Variants in CENPN observed in about 807,000 individuals in gnomAD.
CENPN encodes the protein interphase centromere complex protein 32.
Under a neutral mutation model 48.6 loss-of-function variants are expected in CENPN, and 36 were observed. That is an observed-to-expected ratio of 0.74 (90% CI 0.57 to 0.98). CENPN has a LOEUF of 0.98. CENPN is among the 50% of genes least tolerant of loss of function. CENPN has a pLI of 0.00. For missense variants in CENPN, 439 were observed against 399.2 expected, an observed-to-expected ratio of 1.10 and a Z score of -0.85; for synonymous variants, 166 against 135.2, an observed-to-expected ratio of 1.23 and a Z score of -1.58.
At chr16:81,011,803 G>A in intron 1 of CENPN, 127 bp from the exon 2 acceptor site, 1 of 738,858 alleles carries the variant, frequency 1.4e-6, no homozygotes, top group Admixed American at 2.9e-5. Context: ...AAGAGTTCAA[G>A]ACCAACGTGG....
At chr16:81,025,973 G>A (rs1970449131) in intron 8 of CENPN, among the ~76,000 whole-genome samples, 1 of 150,840 alleles carries the variant, frequency 6.6e-6, no homozygotes, top group Non-Finnish European at 1.5e-5. Flanking sequence ...GAAGTGCTGG[G>A]ATTACAGGTG....
intron 7 of CENPN, chr16:81,022,904 C>A: frequency 6.3e-7 from 1 of 1,593,066 alleles, no homozygotes; most frequent in Non-Finnish European, 8.5e-7. Context: ...TGTTTTATAC[C>A]ACTCATTAGT....
rs202231632 is a variant in CENPN, at chr16:81,010,389, C to T, written c.-10-1541C>T. ...AATCTTCCTTCCTTATTCCTGCAGC[C>T]GCTAGGTCATTCTTCTGGAGATTAT... On this transcript the variant is annotated intron_variant, in intron 1 of 10. Coordinates refer to ENST00000305850, the MANE Select transcript of CENPN (RefSeq NM_001100624.3). Among the ~76,000 whole-genome samples, 19 of 152,204 alleles carry T rather than the reference C, an allele frequency of 1.2e-4. No individual in the cohort carries two copies. The East Asian group carries it at 2.1e-3, about 17-fold the overall frequency.
At chr16:81,027,452 C>A (rs1970557271) in intron 9 of CENPN, among the ~76,000 whole-genome samples, 1 of 152,142 alleles carries the variant, frequency 6.6e-6, no homozygotes, top group African/African-American at 2.4e-5. Flanking sequence ...ACCACTCCAA[C>A]TTGGGCAACA....
chr16:81,022,472 T>C (rs966335625), intron 6 of CENPN, 125 bp from the exon 7 acceptor site: 1 of 785,586 alleles, frequency 1.3e-6, no homozygotes, highest in Non-Finnish European at 2.0e-6. Context: ...GATGTTTTTC[T>C]AGACTTCTTT....
At chr16:81,011,861 G>A (rs530363627) in intron 1 of CENPN, 69 bp from the exon 2 acceptor site, 6 of 1,290,352 alleles carry the variant, frequency 4.6e-6, no homozygotes, top group African/African-American at 2.9e-5. Context: ...GTATGTGTAT[G>A]TGTAAATAAA....
intron 3 of CENPN, among the ~76,000 whole-genome samples, chr16:81,015,863 C>G (rs1207994359): frequency 6.6e-6 from 1 of 151,940 alleles, no homozygotes; most frequent in Non-Finnish European, 1.5e-5. Flanking sequence ...AAAAATTAGC[C>G]GGGCATGATG....
intron 6 of CENPN, among the ~76,000 whole-genome samples, chr16:81,020,686 G>A (rs1056416783): frequency 6.6e-6 from 1 of 152,060 alleles, no homozygotes; most frequent in African/African-American, 2.4e-5. Context: ...CGATACAGAA[G>A]TCTCTAAAGA....
chr16:81,019,684 G>C (rs953829988), intron 5 of CENPN, among the ~76,000 whole-genome samples: 1 of 151,346 alleles, frequency 6.6e-6, no homozygotes, highest in Non-Finnish European at 1.5e-5. Context: ...AGAAATTATT[G>C]AAAAAACAAT....
chr16:81,027,356 C>A (rs1970550747), intron 9 of CENPN, among the ~76,000 whole-genome samples: 2 of 152,080 alleles, frequency 1.3e-5, no homozygotes, highest in Admixed American at 1.3e-4. Context: ...GGTGTGGTGG[C>A]ATGTGGCTGT....
At position 81,031,330 on chromosome 16, in the gene CENPN, CTT is replaced by C; in HGVS notation, c.*2681_*2682del. On this transcript the variant is annotated 3_prime_UTR_variant, in exon 11 of 11. Coordinates refer to ENST00000305850, the MANE Select transcript of CENPN (RefSeq NM_001100624.3). Reference sequence around the variant, plus strand: ...GATTTTTGTACTAAGCCAGTTGCCTCTTTCAAAACAACTTGTCAACTTGTCTA... The same window carrying C: ...GATTTTTGTACTAAGCCAGTTGCCTCTCAAAACAACTTGTCAACTTGTCTA... 1.3e-5 allele frequency: 2 copies of C among 152,346 alleles called. No homozygotes were observed. The highest frequency in any genetic ancestry group is 3.9e-4 in the East Asian group (2 of 5,186). 9.4% of individuals were successfully genotyped at this position (152,346 alleles called of 1,614,324 possible). A position where few individuals can be genotyped will look rare whatever the true frequency, so the allele number is the denominator to read the frequency against.
At chr16:81,016,117 C>CTA (rs1422780046) in intron 3 of CENPN, among the ~76,000 whole-genome samples, 2 of 152,150 alleles carry the variant, frequency 1.3e-5, no homozygotes, top group African/African-American at 4.8e-5. Context: ...GTTGAACTTG[C>CTA]TAACTTCCTA....
At chr16:81,032,959 C>T, downstream of CENPN, 1 of 296,106 alleles carries the variant, frequency 3.4e-6, no homozygotes, top group Non-Finnish European at 6.2e-6. Flanking sequence ...GATTAATCAG[C>T]TATGCTGCCT....
intron 1 of CENPN, among the ~76,000 whole-genome samples, chr16:81,008,673 T>C (rs1969605459): frequency 6.6e-6 from 1 of 152,206 alleles, no homozygotes; most frequent in Non-Finnish European, 1.5e-5. Context: ...AGGTGTTGAT[T>C]TGATGTTTCA....
intron 3 of CENPN, 147 bp from the exon 4 acceptor site, chr16:81,017,179 A>G (rs1246914777): frequency 8.6e-6 from 5 of 583,588 alleles, no homozygotes; most frequent in Non-Finnish European, 1.5e-5. Context: ...TAATCCATAT[A>G]AAGTTTATAT....
intron 9 of CENPN, among the ~76,000 whole-genome samples, chr16:81,027,021 G>T (rs896265759): frequency 1.3e-5 from 2 of 151,776 alleles, no homozygotes; most frequent in Admixed American, 6.6e-5. Flanking sequence ...GGTCTCGAAC[G>T]GCTGGCCTCA....
At chr16:81,018,140 C>A (rs146081214) in intron 5 of CENPN, among the ~76,000 whole-genome samples, 2 of 151,890 alleles carry the variant, frequency 1.3e-5, no homozygotes, top group African/African-American at 4.8e-5. Flanking sequence ...TGAGCACTTG[C>A]GGCTAGTGTG....
intron 1 of CENPN, among the ~76,000 whole-genome samples, chr16:81,008,385 T>A (rs1969570485): frequency 6.6e-6 from 1 of 152,134 alleles, no homozygotes; most frequent in Non-Finnish European, 1.5e-5. Context: ...GTTTTTTGTT[T>A]TTTTGAGACG....
intron 2 of CENPN, among the ~76,000 whole-genome samples, chr16:81,013,227 A>G (rs1379998369): frequency 1.3e-5 from 2 of 152,270 alleles, no homozygotes; most frequent in Non-Finnish European, 2.9e-5. Flanking sequence ...AGATGCTAAC[A>G]TATGGATGGA....
Sources: allele counts gnomAD v4.1 joint callset (sites outside exome capture counted in the v4.1 genomes callset), GRCh38; gene constraint gnomAD v4.1.1; transcripts MANE v1.5; gene names NCBI Gene and HGNC (gene_info 2026-07-23, HGNC 2026-07-21).